The following PRDM16 variants were observed in gnomAD, a reference collection of about 807,000 sequenced individuals.
PRDM16 encodes the protein PR/SET domain 16.
Under a neutral mutation model 110.6 loss-of-function variants are expected in PRDM16, and 23 were observed. That is an observed-to-expected ratio of 0.21 (90% CI 0.15 to 0.29). The LOEUF (loss-of-function observed/expected upper bound fraction) is 0.29, where lower values mean the gene tolerates loss of function less well. PRDM16 is among the 10% of genes least tolerant of loss of function. The probability of loss-of-function intolerance (pLI) is 1.00; values close to 1 mark genes in which losing one functional copy is unlikely to be tolerated. For synonymous variants in PRDM16, 799 were observed against 781.8 expected, an observed-to-expected ratio of 1.02 and a Z score of -0.37; for missense variants, 1,615 against 1,794.3, an observed-to-expected ratio of 0.90 and a Z score of 1.81.
intron 2 of PRDM16, among the ~76,000 whole-genome samples, chr1:3,227,069 A>G (rs550238922): frequency 6.6e-6 from 1 of 152,398 alleles, no homozygotes; most frequent in East Asian, 1.9e-4. Flanking sequence ...ATGAATAATC[A>G]GCCGTTGTCA....
chr1:3,275,319 C>T (rs75423402), intron 3 of PRDM16, among the ~76,000 whole-genome samples: 3,783 of 152,344 alleles, frequency 0.025, 165 homozygotes, highest in African/African-American at 0.086. Context: ...AACCGGATAT[C>T]GGGAATGAAA....
At chr1:3,337,721 T>C (rs1014860881) in intron 3 of PRDM16, among the ~76,000 whole-genome samples, 1 of 152,208 alleles carries the variant, frequency 6.6e-6, no homozygotes, top group Admixed American at 6.5e-5. Context: ...GGTTTTCCAT[T>C]TGGTCTCTCT....
At chr1:3,251,413 GA>G (rs894628471) in intron 3 of PRDM16, among the ~76,000 whole-genome samples, 35 of 152,330 alleles carry the variant, frequency 2.3e-4, no homozygotes, top group African/African-American at 8.2e-4. Context: ...CCCGGCGTGA[GA>G]ACCCACGTCC....
intron 3 of PRDM16, among the ~76,000 whole-genome samples, chr1:3,356,385 G>A (rs796162369): frequency 9.2e-5 from 14 of 152,204 alleles, no homozygotes; most frequent in East Asian, 3.9e-4. Flanking sequence ...CTCATCAGGC[G>A]GAGGGAGGTC....
intron 3 of PRDM16, among the ~76,000 whole-genome samples, chr1:3,272,100 G>A (rs1044974086): frequency 2.0e-5 from 3 of 152,174 alleles, no homozygotes; most frequent in African/African-American, 7.2e-5. Flanking sequence ...CGCTTCCAGA[G>A]GTGGCTGGTG....
intron 3 of PRDM16, among the ~76,000 whole-genome samples, chr1:3,362,491 G>C (rs1642733085): frequency 6.6e-6 from 1 of 152,168 alleles, no homozygotes; most frequent in Admixed American, 6.5e-5. Context: ...GAGGGGCCAA[G>C]ACAGCTCAGC....
chr1:3,235,382 A>G (rs1639515060), intron 2 of PRDM16, among the ~76,000 whole-genome samples: 1 of 152,162 alleles, frequency 6.6e-6, no homozygotes, highest in African/African-American at 2.4e-5. Context: ...CGCGAGGGCC[A>G]CATGTCACCT....
chr1:3,404,949 C>T (rs1643535113), intron 7 of PRDM16, 63 bp downstream of exon 7: 10 of 1,542,776 alleles, frequency 6.5e-6, no homozygotes, highest in East Asian at 2.3e-5. Context: ...CGGGCGCCCG[C>T]CCCCGTGCTC....
At chr1:3,085,035 C>T (rs1016924317) in intron 1 of PRDM16, among the ~76,000 whole-genome samples, 42 of 152,248 alleles carry the variant, frequency 2.8e-4, no homozygotes, top group African/African-American at 9.4e-4. Context: ...AGCCCCTTTT[C>T]CTGCACCCCT....
At chr1:3,154,284 G>A (rs545557106) in intron 1 of PRDM16, among the ~76,000 whole-genome samples, 735 of 152,220 alleles carry the variant, frequency 4.8e-3, no homozygotes, top group Non-Finnish European at 7.5e-3. Context: ...CCTGGGCGGC[G>A]TGGTGGGGGG....
rs756085209 is a variant in PRDM16 at position 3,426,169 on chromosome 1, C to A, written c.3228C>A (p.Ile1076=). 1.9e-6 allele frequency: 3 copies of A among 1,613,926 alleles called. No homozygotes were observed. The highest frequency in any genetic ancestry group is 2.5e-6 in the Non-Finnish European group (3 of 1,179,874). ...AAGAAGACTCTTATTTCTCGGAAAT[C>A]AGAAACTTTATTGCCAATAGTGAGA... ...DEKEDSYFSE[I]RNFIANSEMN... is the part of the protein sequence containing the mutation. The change falls in exon 14 of 17, where the codon ATC becomes ATA. Residue 1076 remains isoleucine (I), a synonymous_variant. Transcript: ENST00000270722.
intron 1 of PRDM16, among the ~76,000 whole-genome samples, chr1:3,083,164 C>T (rs1056501194): frequency 1.3e-5 from 2 of 152,212 alleles, no homozygotes; most frequent in Non-Finnish European, 2.9e-5. Context: ...CCTCTGGATG[C>T]GGCCTCCAGA....
chr1:3,144,592 G>A (rs2100708377), intron 1 of PRDM16, among the ~76,000 whole-genome samples: 1 of 152,292 alleles, frequency 6.6e-6, no homozygotes, highest in East Asian at 1.9e-4. Flanking sequence ...CTCTGTACCT[G>A]CCAGTTGTAG....
intron 2 of PRDM16, among the ~76,000 whole-genome samples, chr1:3,199,305 A>G (rs1360645147): frequency 1.3e-5 from 2 of 152,180 alleles, no homozygotes. Flanking sequence ...GGCCTGGGGC[A>G]GGGGCACAAA....
intron 1 of PRDM16, among the ~76,000 whole-genome samples, chr1:3,167,566 C>CT (rs1643974192): frequency 6.8e-6 from 1 of 147,936 alleles, no homozygotes; most frequent in East Asian, 2.2e-4. Context: ...GCATTGCCCC[C>CT]TGCTCCTGCC....
intron 1 of PRDM16, among the ~76,000 whole-genome samples, chr1:3,134,448 G>A (rs991262121): frequency 6.6e-6 from 1 of 152,212 alleles, no homozygotes. Context: ...GGGCCGAGGG[G>A]CCACGCTCAT....
In PRDM16 at chr1:3,402,806, G is replaced by A. The variant is rs1407647352; in HGVS notation, c.692G>A (p.Arg231His). Residue 231 changes from arginine (R) to histidine (H), a missense_variant, in exon 6 of 17, where the codon CGC becomes CAC. By Grantham distance (29) the Arg-to-His change is conservative. Around this residue, in one of 5 missense-constraint regions of PRDM16, gnomAD observed 416 missense variants for 467.1 expected, o/e 0.89. Transcript: ENST00000270722. The part of the protein sequence containing the change: ...PPGLDEEPTF[R>H]CDECDELFQS... ...TCTCTTGCAGAGGAGCCCACGTTCC[G>A]CTGTGACGAGTGTGACGAACTCTTC... 2 of 1,612,098 alleles carry A rather than the reference G, an allele frequency of 1.2e-6. No individual in the cohort carries two copies. The highest frequency in any genetic ancestry group is 1.1e-5 in the South Asian group (1 of 91,068).
chr1:3,115,973 C>G (rs1044360619), intron 1 of PRDM16, among the ~76,000 whole-genome samples: 1 of 152,154 alleles, frequency 6.6e-6, no homozygotes, highest in African/African-American at 2.4e-5. Flanking sequence ...CCCAGCCTCC[C>G]GGGAGGACTC....
At chr1:3,225,565 T>C (rs571025646) in intron 2 of PRDM16, among the ~76,000 whole-genome samples, 4,669 of 125,258 alleles carry the variant, frequency 0.037, 266 homozygotes, top group African/African-American at 0.16. Flanking sequence ...TGTGTGTGTG[T>C]GTGTGTGTGC....
Sources: gnomAD v4.1 joint callset for allele counts (sites outside exome capture counted in the v4.1 genomes callset) on GRCh38, gnomAD v4.1.1 for gene constraint, gnomAD v4.1.1 regional missense constraint, MANE v1.5 for transcripts, NCBI Gene and HGNC (gene_info 2026-07-23, HGNC 2026-07-21) for gene names.